GALNT13: variants seen among roughly 807,000 people sequenced by gnomAD.
GALNT13 encodes the protein polypeptide N-acetylgalactosaminyltransferase 13.
In GALNT13, 28 loss-of-function variants were observed where a neutral mutation model predicts 64.2. The observed-to-expected ratio is 0.44, with a 90% CI of 0.32 to 0.60. The LOEUF (loss-of-function observed/expected upper bound fraction) is 0.60, where lower values mean the gene tolerates loss of function less well. GALNT13 is among the 20% of genes least tolerant of loss of function. The pLI is 0.05. For synonymous variants in GALNT13, 214 were observed against 224.6 expected (o/e 0.95, Z 0.42); for missense variants, 577 against 669.8 (o/e 0.86, Z 1.53).
At chr2:154,240,212 A>C (rs1332558074) in intron 4 of GALNT13, among the ~76,000 whole-genome samples, 1 of 152,230 alleles carries the variant, frequency 6.6e-6, no homozygotes, top group East Asian at 1.9e-4. Flanking sequence ...TGCCTGTTAA[A>C]TTTGGGATCA....
chr2:154,256,202 A>C (rs1275113514), intron 7 of GALNT13, among the ~76,000 whole-genome samples: 4 of 152,170 alleles, frequency 2.6e-5, no homozygotes, highest in Non-Finnish European at 4.4e-5. Context: ...CCAGTGTCTT[A>C]ATAGCAGAAG....
the GALNT13 span, among the ~76,000 whole-genome samples, chr2:153,797,747 GA>G: frequency 3.3e-5 from 5 of 152,166 alleles, no homozygotes; most frequent in Non-Finnish European, 5.9e-5. Flanking sequence ...ATAAAATTAT[GA>G]TAAAGACAGG....
chr2:154,099,612 A>G (rs987256503), intron 3 of GALNT13, among the ~76,000 whole-genome samples: 2 of 152,066 alleles, frequency 1.3e-5, no homozygotes, highest in African/African-American at 4.8e-5. Context: ...AACAGGGGTC[A>G]ACTTTTGTTC....
At chr2:153,137,235 G>A in the GALNT13 span, among the ~76,000 whole-genome samples, 2 of 152,056 alleles carry the variant, frequency 1.3e-5, no homozygotes, top group Admixed American at 1.3e-4. Flanking sequence ...AAAGTAGGGA[G>A]CAATAGAATA....
At chr2:153,478,977 G>GA in the GALNT13 span, among the ~76,000 whole-genome samples, 1 of 152,238 alleles carries the variant, frequency 6.6e-6, no homozygotes, top group Non-Finnish European at 1.5e-5. Flanking sequence ...GCAAAGGGGC[G>GA]AACCTGGTCT....
chr2:154,294,997 A>T (rs1215704688), intron 8 of GALNT13, among the ~76,000 whole-genome samples: 1 of 152,152 alleles, frequency 6.6e-6, no homozygotes, highest in Non-Finnish European at 1.5e-5. Flanking sequence ...ATTTTGGAGT[A>T]TTATGTTCAG....
the GALNT13 span, among the ~76,000 whole-genome samples, chr2:153,502,493 T>C: frequency 1.3e-5 from 2 of 152,238 alleles, no homozygotes. Context: ...CATTGATTGA[T>C]GGGCATTTGA....
At chr2:153,909,104 T>C (rs1688775183) in intron 2 of GALNT13, among the ~76,000 whole-genome samples, 1 of 152,094 alleles carries the variant, frequency 6.6e-6, no homozygotes, top group South Asian at 2.1e-4. Flanking sequence ...ATTCTCATTG[T>C]AGAGATCTTT....
intron 8 of GALNT13, among the ~76,000 whole-genome samples, 177 bp downstream of exon 8, chr2:154,259,315 T>C (rs1406677098): frequency 6.6e-6 from 1 of 152,230 alleles, no homozygotes; most frequent in Non-Finnish European, 1.5e-5. Context: ...AATATTTTCT[T>C]CTAAATGGGA....
the GALNT13 span, among the ~76,000 whole-genome samples, chr2:153,675,503 G>C: frequency 1.3e-5 from 2 of 152,066 alleles, no homozygotes; most frequent in Non-Finnish European, 2.9e-5. Context: ...ACAAGAACAC[G>C]TGGACACAGG....
chr2:153,857,342 C>A, the GALNT13 span, among the ~76,000 whole-genome samples: 4 of 152,046 alleles, frequency 2.6e-5, no homozygotes, highest in African/African-American at 9.7e-5. Context: ...GATTTGTGAA[C>A]TTTTCTCTAT....
intron 3 of GALNT13, among the ~76,000 whole-genome samples, chr2:154,064,517 G>T (rs67597377): frequency 6.6e-6 from 1 of 152,060 alleles, no homozygotes; most frequent in Non-Finnish European, 1.5e-5. Flanking sequence ...AGAGTACTTT[G>T]TCTTGGAACT....
the GALNT13 span, among the ~76,000 whole-genome samples, chr2:153,439,446 T>C: frequency 1.3e-5 from 2 of 152,202 alleles, no homozygotes; most frequent in Non-Finnish European, 2.9e-5. Flanking sequence ...GCAGGCCTCC[T>C]TGAGCTGTGG....
chr2:153,322,565 C>T, the GALNT13 span, among the ~76,000 whole-genome samples: 1 of 152,076 alleles, frequency 6.6e-6, no homozygotes, highest in African/African-American at 2.4e-5. Context: ...AGGTATGTTA[C>T]ATAGGTATAC....
the GALNT13 span, among the ~76,000 whole-genome samples, chr2:153,325,775 A>G: frequency 1.3e-5 from 2 of 152,036 alleles, no homozygotes; most frequent in African/African-American, 4.8e-5. Context: ...ATTCAGGAGG[A>G]GGTTGTTCAG....
At position 154,158,527 on chromosome 2, in the gene GALNT13, C is replaced by G. The variant is rs75785911; in HGVS notation, c.311+18022C>G. 7.0e-3 allele frequency among the ~76,000 whole-genome samples: 1,071 copies of G among 152,098 alleles called. 14 individuals are homozygous for G. The highest frequency in any genetic ancestry group is 0.025 in the African/African-American group (1,032 of 41,480). On this transcript the variant is annotated intron_variant, in intron 4 of 12. Coordinates refer to ENST00000392825, the MANE Select transcript of GALNT13 (RefSeq NM_052917.4). Reference sequence around the variant, plus strand: ...TTGTTATGTTTAATTTTCTTTAGCACCCTTCCATCTCTGATCAACATAATA... The same window carrying G: ...TTGTTATGTTTAATTTTCTTTAGCAGCCTTCCATCTCTGATCAACATAATA...
intron 9 of GALNT13, among the ~76,000 whole-genome samples, chr2:154,335,127 T>C (rs1695367409): frequency 6.6e-6 from 1 of 152,028 alleles, no homozygotes; most frequent in Admixed American, 6.6e-5. Context: ...TTCTACACCC[T>C]ACTTTTCAAC....
intron 9 of GALNT13, among the ~76,000 whole-genome samples, chr2:154,391,453 A>G (rs1056524951): frequency 3.9e-5 from 6 of 152,166 alleles, no homozygotes; most frequent in African/African-American, 1.4e-4. Context: ...ATCAAATTGC[A>G]TATTAACTAG....
the GALNT13 span, among the ~76,000 whole-genome samples, chr2:153,687,375 A>T: frequency 2.0e-5 from 3 of 151,736 alleles, no homozygotes; most frequent in Non-Finnish European, 2.9e-5. Flanking sequence ...CTAGGGAGGA[A>T]TGTATGTACC....
Sources: allele counts gnomAD v4.1 joint callset (sites outside exome capture counted in the v4.1 genomes callset), GRCh38; gene constraint gnomAD v4.1.1; transcripts MANE v1.5; gene names NCBI Gene and HGNC (gene_info 2026-07-23, HGNC 2026-07-21).